Variants in SNX13 observed in about 807,000 individuals in gnomAD.
The protein encoded by SNX13 is sorting nexin-13.
A neutral mutation model predicts 133.6 loss-of-function variants in SNX13; 45 were observed. The observed-to-expected ratio is 0.34, with a 90% CI of 0.27 to 0.43. The LOEUF (loss-of-function observed/expected upper bound fraction) is 0.43. SNX13 is among the 20% of genes least tolerant of loss of function. The pLI is 1.00. For synonymous variants in SNX13, 414 were observed against 373.9 expected (o/e 1.11, Z -1.24); for missense variants, 1,032 against 1,145.1 (o/e 0.90, Z 1.43).
rs561136248 is a variant in SNX13 at position 17,819,997 on chromosome 7, A to G, written c.1845+1512T>C. ...TTGAAAAAGAAATTGTGCTGTATCA[A>G]TTTCATGTAATTTTTGGCACTGAAC... On this transcript the variant is annotated intron_variant, in intron 18 of 25. Transcript: ENST00000428135. 1.2e-3 allele frequency among the ~76,000 whole-genome samples: 185 copies of G among 152,250 alleles called. 1 individual carries two copies. The highest frequency in any genetic ancestry group is 4.2e-3 in the African/African-American group (174 of 41,560).
intron 1 of SNX13, among the ~76,000 whole-genome samples, chr7:17,912,857 T>C (rs1472624909): frequency 2.6e-5 from 4 of 152,268 alleles, no homozygotes; most frequent in East Asian, 1.9e-4. Context: ...ACAGTCAGAA[T>C]TGAGTGGCGA....
intron 9 of SNX13, among the ~76,000 whole-genome samples, chr7:17,853,530 ATTT>A (rs993750838): frequency 3.3e-5 from 5 of 152,238 alleles, no homozygotes; most frequent in African/African-American, 1.2e-4. Context: ...AAATAAAACA[ATTT>A]TTAAAGTACT....
intron 20 of SNX13, among the ~76,000 whole-genome samples, chr7:17,804,182 A>G (rs1166832876): frequency 1.3e-5 from 2 of 152,174 alleles, no homozygotes; most frequent in Admixed American, 6.5e-5. Context: ...TTTTGAATAA[A>G]AAAAGTTTTC....
intron 9 of SNX13, among the ~76,000 whole-genome samples, chr7:17,858,300 G>T (rs1024342386): frequency 6.6e-6 from 1 of 151,932 alleles, no homozygotes; most frequent in Non-Finnish European, 1.5e-5. Context: ...AAATGTTGCA[G>T]AATACAAAAT....
intron 5 of SNX13, among the ~76,000 whole-genome samples, chr7:17,879,075 T>C (rs560498072): frequency 7.2e-5 from 11 of 152,356 alleles, no homozygotes; most frequent in Admixed American, 2.0e-4. Flanking sequence ...TCTCCAGTTA[T>C]GCATTCTGAT....
chr7:17,916,399 C>T (rs552673771), intron 1 of SNX13, among the ~76,000 whole-genome samples: 4 of 152,218 alleles, frequency 2.6e-5, no homozygotes, highest in South Asian at 2.1e-4. Flanking sequence ...ATAAATAAGA[C>T]TGACGGATCA....
At chr7:17,844,447 T>C (rs972796912) in intron 12 of SNX13, among the ~76,000 whole-genome samples, 1 of 151,992 alleles carries the variant, frequency 6.6e-6, no homozygotes, top group African/African-American at 2.4e-5. Context: ...TGGACCTGAA[T>C]AGCTTTACTG....
chr7:17,848,342 C>G (rs924720634), intron 11 of SNX13, among the ~76,000 whole-genome samples: 3 of 152,138 alleles, frequency 2.0e-5, no homozygotes, highest in African/African-American at 7.2e-5. Context: ...TCAACTCATT[C>G]ATGTGACTTC....
chr7:17,837,440 T>C (rs1485444257), intron 13 of SNX13, among the ~76,000 whole-genome samples: 1 of 152,016 alleles, frequency 6.6e-6, no homozygotes, highest in African/African-American at 2.4e-5. Context: ...GCACCTAGCC[T>C]AAATATCCTT....
intron 1 of SNX13, among the ~76,000 whole-genome samples, chr7:17,906,949 G>T (rs982629281): frequency 6.6e-6 from 1 of 152,108 alleles, no homozygotes; most frequent in African/African-American, 2.4e-5. Flanking sequence ...AGTTCATTTG[G>T]TGTATCAGGT....
At chr7:17,845,053 CT>C (rs758804041) in intron 12 of SNX13, among the ~76,000 whole-genome samples, 29 of 152,024 alleles carry the variant, frequency 1.9e-4, no homozygotes, top group Non-Finnish European at 3.4e-4. Context: ...GTGTTTGCCA[CT>C]TCGTTTCAAC....
chr7:17,939,755 A>G (rs1352339142), intron 1 of SNX13, among the ~76,000 whole-genome samples: 1 of 152,232 alleles, frequency 6.6e-6, no homozygotes, highest in Non-Finnish European at 1.5e-5. Context: ...ACTGAGCCAT[A>G]CATGTGCAGC....
At chr7:17,847,662 T>C (rs559732081) in intron 11 of SNX13, among the ~76,000 whole-genome samples, 1 of 152,342 alleles carries the variant, frequency 6.6e-6, no homozygotes, top group South Asian at 2.1e-4. Flanking sequence ...CCCAAATCTC[T>C]GCTCTCCTTT....
intron 5 of SNX13, chr7:17,888,221 T>C (rs1796231239): frequency 6.6e-6 from 1 of 152,354 alleles, no homozygotes. Context: ...TCTAAAGTAG[T>C]TATTATCTGT....
In SNX13 at chr7:17,803,360, A is replaced by ATACATCT. The variant is rs1435426604; in HGVS notation, c.2226+52_2226+58dup. 1.1e-5 allele frequency: 16 copies of ATACATCT among 1,475,402 alleles called. No individual in the cohort carries two copies. In the African/African-American group the frequency reaches 2.2e-4, roughly 21 times the overall value. The allele number at this position is 1,475,402 out of a possible 1,614,324, so 91.4% of individuals were successfully genotyped here. A position where few individuals can be genotyped will look rare whatever the true frequency, so the allele number is the denominator to read the frequency against. On this transcript the variant is annotated intron_variant, in intron 21 of 25. Transcript: ENST00000428135. The stretch of plus-strand genomic sequence containing the variant: ...CTAAGGTAAATCCAACCAGAATTCA[A>ATACATCT]TACATCTTATTGACTTAAAAATAGT...
At chr7:17,835,565 G>A (rs1236804815) in intron 13 of SNX13, among the ~76,000 whole-genome samples, 1 of 151,936 alleles carries the variant, frequency 6.6e-6, no homozygotes, top group African/African-American at 2.4e-5. Context: ...TGAAAAGCTA[G>A]ACATGTCAAC....
intron 1 of SNX13, among the ~76,000 whole-genome samples, chr7:17,912,375 C>A (rs1180345333): frequency 6.6e-6 from 1 of 151,882 alleles, no homozygotes; most frequent in Non-Finnish European, 1.5e-5. Flanking sequence ...CCAGGAAAAG[C>A]TGCAGGCATT....
chr7:17,882,739 G>A lies in SNX13; in HGVS notation c.441-6949C>T, dbSNP rs1321692232. On this transcript the variant is annotated intron_variant, in intron 5 of 25. Coordinates refer to ENST00000428135, the MANE Select transcript of SNX13 (RefSeq NM_015132.5). ...ATCAAGATTAGTAACAACCTGACCA[G>A]AGAATCTTACTATTTTAGAACTGAA... is the stretch of plus-strand genomic sequence containing the variant. 7.4e-6 allele frequency: 8 copies of A among 1,081,894 alleles called. No individual in the cohort carries two copies. In the Admixed American group the frequency reaches 3.9e-4, roughly 53 times the overall value. 67.0% of individuals were successfully genotyped at this position (1,081,894 alleles called of 1,614,324 possible).
At chr7:17,845,310 G>C (rs1158862524) in intron 12 of SNX13, among the ~76,000 whole-genome samples, 1 of 152,170 alleles carries the variant, frequency 6.6e-6, no homozygotes, top group African/African-American at 2.4e-5. Flanking sequence ...CCACCTACGT[G>C]AGGTACTTAA....
Sources: gnomAD v4.1 joint callset for allele counts (sites outside exome capture counted in the v4.1 genomes callset) on GRCh38, gnomAD v4.1.1 for gene constraint, MANE v1.5 for transcripts, NCBI Gene and HGNC (gene_info 2026-07-23, HGNC 2026-07-21) for gene names.